SLCO1A2: variants seen among roughly 807,000 people sequenced by gnomAD.
SLCO1A2 encodes solute carrier organic anion transporter family member 1A2, also known as OATP-1.
SLCO1A2 carries 67 observed loss-of-function variants against 69.0 expected under a neutral mutation model. The ratio of observed to expected loss-of-function variants is 0.97; its 90% CI spans 0.80 to 1.19. The LOEUF (loss-of-function observed/expected upper bound fraction) is 1.19. SLCO1A2 is among the 50% of genes most tolerant of loss of function. SLCO1A2 has a pLI of 0.00. For synonymous variants in SLCO1A2, 260 were observed against 265.9 expected, an observed-to-expected ratio of 0.98 and a Z score of 0.22; for missense variants, 787 against 793.7, an observed-to-expected ratio of 0.99 and a Z score of 0.10.
At chr12:21,376,674 A>T (rs1940219067) in intron 1 of SLCO1A2, among the ~76,000 whole-genome samples, 1 of 152,012 alleles carries the variant, frequency 6.6e-6, no homozygotes, top group South Asian at 2.1e-4. Context: ...AAAAAAAAAC[A>T]GTTTCACATG....
At chr12:21,300,084 A>AAG (rs1180286497) in intron 8 of SLCO1A2, among the ~76,000 whole-genome samples, 4 of 147,006 alleles carry the variant, frequency 2.7e-5, no homozygotes, top group Admixed American at 6.9e-5. Flanking sequence ...ATATATATGA[A>AAG]AGAGAGAGAG....
rs548262127 is a variant in SLCO1A2 at position 21,293,766 on chromosome 12, A to G, written c.1437+179T>C. Among the ~76,000 whole-genome samples, 130 of 152,252 alleles carry G rather than the reference A, an allele frequency of 8.5e-4. 2 individuals carry two copies. Among genetic ancestry groups the G allele is most frequent in the Non-Finnish European group, 1.2e-3 (85 of 68,004 alleles). On this transcript the variant is annotated intron_variant, in intron 11 of 14. Coordinates refer to ENST00000683939, the MANE Select transcript of SLCO1A2 (RefSeq NM_001386879.1). Reference sequence around the variant, plus strand: ...TGGTCAGATGCTATGGAGGTTTCACATAAGATCTGGGAAATAAAAGGTAAT... The same window carrying G: ...TGGTCAGATGCTATGGAGGTTTCACGTAAGATCTGGGAAATAAAAGGTAAT...
chr12:21,405,408 A>C (rs541752337), intron 1 of SLCO1A2, among the ~76,000 whole-genome samples: 2 of 151,874 alleles, frequency 1.3e-5, no homozygotes, highest in Non-Finnish European at 2.9e-5. Context: ...ACAGAATTTG[A>C]AAAAAAACTA....
At chr12:21,287,014 T>G (rs1278188459) in intron 12 of SLCO1A2, among the ~76,000 whole-genome samples, 1 of 132,468 alleles carries the variant, frequency 7.5e-6, no homozygotes, top group Non-Finnish European at 1.7e-5. Flanking sequence ...ACAAATGGGA[T>G]CTAATTAAAC....
At chr12:21,416,899 C>T (rs974785447) in intron 1 of SLCO1A2, among the ~76,000 whole-genome samples, 5 of 152,100 alleles carry the variant, frequency 3.3e-5, no homozygotes, top group Admixed American at 6.5e-5. Context: ...TTAATTGGAT[C>T]AGGAGGATAA....
chr12:21,374,288 A>C (rs1940024875), intron 2 of SLCO1A2: 1 of 152,346 alleles, frequency 6.6e-6, no homozygotes, highest in Non-Finnish European at 1.5e-5. Context: ...TATGTGCATA[A>C]GTCATAAATA....
chr12:21,292,203 T>C lies in SLCO1A2; in HGVS notation c.1571A>G (p.Tyr524Cys), dbSNP rs550800241. The change falls in exon 12 of 15, where the codon TAT becomes TGT. Residue 524 changes from tyrosine (Y) to cysteine (C), a missense_variant. By Grantham distance (194) the Tyr-to-Cys change is radical. Transcript: ENST00000683939. ...LILSAMSSFI[Y>C]SLAAIPGYMV... ...ATATCCAGGTATGGCAGCCAAAGAATAAATGAAACTGCTCATCGCTGACAA... is the reference window on the plus strand; with the variant it reads ...ATATCCAGGTATGGCAGCCAAAGAACAAATGAAACTGCTCATCGCTGACAA... The C allele has an allele frequency of 6.2e-7, 1 of 1,609,352 alleles. No homozygotes were observed. The highest frequency in any genetic ancestry group is 1.3e-5 in the African/African-American group (1 of 74,812).
intron 1 of SLCO1A2, among the ~76,000 whole-genome samples, chr12:21,390,255 C>T (rs755457375): frequency 6.6e-6 from 1 of 151,874 alleles, no homozygotes; most frequent in East Asian, 1.9e-4. Context: ...GACCATATGG[C>T]CAAACTTAAA....
intron 2 of SLCO1A2, chr12:21,319,305 CAA>C: frequency 3.0e-6 from 4 of 1,336,012 alleles, no homozygotes; most frequent in Non-Finnish European, 1.0e-6. Flanking sequence ...CAGAATTATA[CAA>C]AGACATTATT....
chr12:21,300,013 T>C (rs748596619), intron 8 of SLCO1A2, among the ~76,000 whole-genome samples: 1 of 147,650 alleles, frequency 6.8e-6, no homozygotes, highest in Non-Finnish European at 1.5e-5. Flanking sequence ...TGTGTGTACA[T>C]ATATATGTGT....
chr12:21,386,109 C>A (rs953391785), intron 1 of SLCO1A2, among the ~76,000 whole-genome samples: 1 of 151,978 alleles, frequency 6.6e-6, no homozygotes. Flanking sequence ...TGCTGTGATG[C>A]CAAAGAGCAA....
chr12:21,401,869 A>T (rs907282302), intron 1 of SLCO1A2, among the ~76,000 whole-genome samples: 1 of 151,648 alleles, frequency 6.6e-6, no homozygotes, highest in South Asian at 2.1e-4. Flanking sequence ...ATGAAAATGT[A>T]TTATATGATA....
chr12:21,318,936 T>A lies in SLCO1A2; in HGVS notation c.61-13A>T. On this transcript the variant is annotated splice_polypyrimidine_tract_variant and intron_variant, in intron 2 of 14. Coordinates refer to ENST00000683939, the MANE Select transcript of SLCO1A2 (RefSeq NM_001386879.1). ...CCAACAGAAACATCTAGGAAAAAAATATAAGAAAACGTAGAAAAAATTATT... is the reference window on the plus strand; with the variant it reads ...CCAACAGAAACATCTAGGAAAAAAAAATAAGAAAACGTAGAAAAAATTATT... 34 of 1,564,474 alleles carry A rather than the reference T, an allele frequency of 2.2e-5. No homozygotes were observed. The highest frequency in any genetic ancestry group is 2.9e-5 in the Non-Finnish European group (34 of 1,161,752).
intron 2 of SLCO1A2, among the ~76,000 whole-genome samples, chr12:21,327,601 C>A (rs890496698): frequency 2.0e-5 from 3 of 152,180 alleles, no homozygotes; most frequent in African/African-American, 7.2e-5. Context: ...GACACGCAGT[C>A]AAAGGAGATC....
At position 21,264,935 on chromosome 12, in the gene SLCO1A2, C is replaced by T. The variant is rs1308666939; in HGVS notation, c.*4613G>A. On this transcript the variant is annotated 3_prime_UTR_variant, in exon 15 of 15. Transcript: ENST00000683939. ...GGAATGGTGACAATGGAGGCACTGC[C>T]CATCTTCCCATGACTCTCTGAAACA... 1.3e-5 allele frequency: 2 copies of T among 152,514 alleles called. No individual in the cohort carries two copies. Among genetic ancestry groups the T allele is most frequent in the African/African-American group, 4.8e-5 (2 of 41,498 alleles). The allele number at this position is 152,514 out of a possible 1,614,324, so 9.4% of individuals were successfully genotyped here.
intron 2 of SLCO1A2, chr12:21,324,614 C>A (rs1952063107): frequency 6.6e-6 from 1 of 152,150 alleles, no homozygotes; most frequent in Non-Finnish European, 1.5e-5. Flanking sequence ...TTTGGGAGAA[C>A]TTGGAGAGAA....
intron 1 of SLCO1A2, among the ~76,000 whole-genome samples, chr12:21,401,077 C>T (rs1941686108): frequency 1.3e-5 from 2 of 151,274 alleles, no homozygotes. Context: ...AGGTTCCCAG[C>T]TAATATCATT....
At chr12:21,305,840 C>A (rs1443034866) in intron 5 of SLCO1A2, among the ~76,000 whole-genome samples, 2 of 152,204 alleles carry the variant, frequency 1.3e-5, no homozygotes, top group Non-Finnish European at 2.9e-5. Context: ...GAAATTCCCA[C>A]CCTTGTGGAC....
At chr12:21,303,815 G>A (rs992096207) in intron 6 of SLCO1A2, among the ~76,000 whole-genome samples, 1 of 152,074 alleles carries the variant, frequency 6.6e-6, no homozygotes, top group Non-Finnish European at 1.5e-5. Flanking sequence ...TATATGGAGA[G>A]ATCATTAAGA....
Sources: allele counts gnomAD v4.1 joint callset (sites outside exome capture counted in the v4.1 genomes callset), GRCh38; gene constraint gnomAD v4.1.1; transcripts MANE v1.5; gene names NCBI Gene and HGNC (gene_info 2026-07-23, HGNC 2026-07-21).